KIDINS220: variants seen among roughly 807,000 people sequenced by gnomAD.
KIDINS220 encodes kinase D interacting substrate 220, also known as kinase D-interacting substrate of 220 kDa.
KIDINS220 carries 63 observed loss-of-function variants against 157.6 expected under a neutral mutation model. That is an observed-to-expected ratio of 0.40 (90% CI 0.33 to 0.49). The LOEUF (loss-of-function observed/expected upper bound fraction) is 0.49, where lower values mean the gene tolerates loss of function less well. Among genes scored for constraint, KIDINS220 ranks in the 20% least tolerant of loss-of-function variants. The pLI, the probability that KIDINS220 is intolerant of heterozygous loss-of-function variation, is 0.66. For missense variants in KIDINS220, 1,772 were observed against 2,171.2 expected (o/e 0.82, Z 3.65); for synonymous variants, 732 against 783.6 (o/e 0.93, Z 1.10).
At chr2:8,782,628 C>T (rs1018713456) in intron 17 of KIDINS220, among the ~76,000 whole-genome samples, 1 of 152,172 alleles carries the variant, frequency 6.6e-6, no homozygotes, top group African/African-American at 2.4e-5. Flanking sequence ...TACATAGGAT[C>T]TTTCAGAAGA....
intron 13 of KIDINS220, among the ~76,000 whole-genome samples, chr2:8,790,496 C>T (rs532382073): frequency 9.2e-5 from 14 of 152,178 alleles, no homozygotes; most frequent in South Asian, 4.1e-4. Context: ...CTTCTCCCTC[C>T]AATCACATTT....
intron 1 of KIDINS220, among the ~76,000 whole-genome samples, chr2:8,835,189 TA>T (rs1294018560): frequency 6.6e-6 from 1 of 152,172 alleles, no homozygotes; most frequent in East Asian, 1.9e-4. Context: ...CCTTCATTCT[TA>T]CATCCCCAGA....
chr2:8,817,160 C>G (rs1677192728), intron 4 of KIDINS220, among the ~76,000 whole-genome samples: 1 of 152,186 alleles, frequency 6.6e-6, no homozygotes, highest in Non-Finnish European at 1.5e-5. Flanking sequence ...AATTAAGGAT[C>G]ACATCTTGTT....
intron 25 of KIDINS220, chr2:8,747,476 T>C (rs1285491178): frequency 4.0e-6 from 2 of 503,450 alleles, no homozygotes; most frequent in Non-Finnish European, 7.1e-6. Context: ...ATTCCTGCCA[T>C]TTGATTGAAA....
In KIDINS220 at chr2:8,793,983, C is replaced by G. The variant is rs748593640; in HGVS notation, c.1103G>C (p.Gly368Ala). The G allele has an allele frequency of 6.3e-7, 1 of 1,597,752 alleles. No individual in the cohort carries two copies. Among genetic ancestry groups the G allele is most frequent in the Non-Finnish European group, 8.5e-7 (1 of 1,174,344 alleles). ...AATAGCAATATGCAAGGGAGTATCT[C>G]CTTTCTGTAAAATAATAGTACGAAA... Reference protein sequence around the residue: ...GAKVSAVDKKGDTPLHIAIRG... With the variant: ...GAKVSAVDKKADTPLHIAIRG... Residue 368 changes from glycine (G) to alanine (A), a missense_variant, in exon 12 of 30, where the codon GGA (glycine) becomes GCA (alanine). By Grantham distance (60) the Gly-to-Ala change is moderately conservative (BLOSUM62 0). Coordinates refer to ENST00000256707, the MANE Select transcript of KIDINS220 (RefSeq NM_020738.4).
At chr2:8,779,537 T>C (rs908190404) in intron 18 of KIDINS220, 137 bp downstream of exon 18, 43 of 880,606 alleles carry the variant, frequency 4.9e-5, no homozygotes, top group Admixed American at 8.9e-5. Flanking sequence ...TGGTTGTTTT[T>C]ACAAAAGAAA....
Position 8,791,216 on chromosome 2 carries a change from A to G in KIDINS220, c.1285T>C (p.Ser429Pro). ...LTQIFGARHL[S>P]PTETDGDMLG... ...ATGTCACCGTCTGTTTCAGTAGGAG[A>G]CAAGTGTCCTGTAATTAAAACACAT... Residue 429 changes from serine (S) to proline (P), a missense_variant, in exon 13 of 30, where the codon TCT becomes CCT. Ser to Pro is a moderately conservative substitution (Grantham distance 74). This residue lies in a region of KIDINS220 where 725 missense variants were observed against 1,017.1 expected (regional missense o/e 0.71). Transcript: ENST00000256707. 2 of 1,613,190 alleles carry G rather than the reference A, an allele frequency of 1.2e-6. No homozygotes were observed. The highest frequency in any genetic ancestry group is 1.7e-6 in the Non-Finnish European group (2 of 1,179,380).
At position 8,751,531 on chromosome 2, in the gene KIDINS220, C is replaced by T. The variant is rs765985225; in HGVS notation, c.3125G>A (p.Arg1042Gln). The change falls in exon 23 of 30, where the codon CGA becomes CAA. Residue 1042 changes from arginine to glutamine, a missense_variant. Physicochemically the swap from Arg to Gln is conservative, Grantham distance 43 (BLOSUM62 1). Around this residue, in one of 3 missense-constraint regions of KIDINS220, gnomAD observed 725 missense variants for 1,017.1 expected, o/e 0.71. Coordinates refer to ENST00000256707, the MANE Select transcript of KIDINS220 (RefSeq NM_020738.4). ...LSSRTPVLVA[R>Q]DVKVFLPCTV... is the part of the protein sequence containing the mutation. ...GCATGGCAAAAAGACTTTTACATCTCGAGCCACAAGAACTGGGGTCCTTGA... is the reference window on the plus strand; with the variant it reads ...GCATGGCAAAAAGACTTTTACATCTTGAGCCACAAGAACTGGGGTCCTTGA... The T allele has an allele frequency of 1.9e-6, 3 of 1,597,568 alleles. No homozygotes were observed. The highest frequency in any genetic ancestry group is 1.3e-5 in the African/African-American group (1 of 74,098).
intron 2 of KIDINS220, chr2:8,826,758 G>A (rs938130379): frequency 6.8e-5 from 20 of 294,978 alleles, no homozygotes; most frequent in Admixed American, 9.8e-5. Flanking sequence ...TATTCCATCA[G>A]GGGAAAAAAA....
At chr2:8,740,361 C>A (rs988132999) in intron 26 of KIDINS220, among the ~76,000 whole-genome samples, 2 of 152,204 alleles carry the variant, frequency 1.3e-5, no homozygotes, top group Admixed American at 6.5e-5. Context: ...GCACACACAC[C>A]CCCAACCACA....
intron 24 of KIDINS220, among the ~76,000 whole-genome samples, chr2:8,748,563 C>T (rs1423434143): frequency 6.6e-6 from 1 of 152,076 alleles, no homozygotes; most frequent in African/African-American, 2.4e-5. Flanking sequence ...GTGGGGAATC[C>T]ACTGTTTATG....
intron 2 of KIDINS220, among the ~76,000 whole-genome samples, chr2:8,819,357 A>C (rs979190026): frequency 6.6e-6 from 1 of 152,220 alleles, no homozygotes; most frequent in Non-Finnish European, 1.5e-5. Context: ...CTTTGTGTTA[A>C]GAATGAGTCA....
chr2:8,756,708 T>C (rs576739936), intron 22 of KIDINS220, among the ~76,000 whole-genome samples: 2 of 152,346 alleles, frequency 1.3e-5, no homozygotes, highest in Admixed American at 6.5e-5. Context: ...AGAAGCTCTC[T>C]GGTTTCTTCT....
intron 21 of KIDINS220, among the ~76,000 whole-genome samples, 193 bp from the exon 22 acceptor site, chr2:8,771,025 A>G (rs1670146886): frequency 6.6e-6 from 1 of 152,180 alleles, no homozygotes; most frequent in Non-Finnish European, 1.5e-5. Context: ...TAGGGCTTAA[A>G]CACAATTTTA....
At chr2:8,832,614 T>C (rs1679810600) in intron 1 of KIDINS220, among the ~76,000 whole-genome samples, 1 of 152,218 alleles carries the variant, frequency 6.6e-6, no homozygotes, top group South Asian at 2.1e-4. Flanking sequence ...GAGGAGATGA[T>C]TAGCTTTGCC....
chr2:8,810,103 C>T (rs1676075550), intron 6 of KIDINS220, among the ~76,000 whole-genome samples: 1 of 152,170 alleles, frequency 6.6e-6, no homozygotes, highest in Admixed American at 6.5e-5. Context: ...TGCTCCTCCT[C>T]TCTCACGGAT....
In KIDINS220 at chr2:8,731,242, A is replaced by G. The variant is rs377371016; in HGVS notation, c.4794T>C (p.Ser1598=). ...VRSSESSPNH[S]LHNEVADDSQ... is the part of the protein sequence containing the mutation. ...AGTCATCCGCCACTTCATTGTGCAGAGAGTGATTGGGAGAACTTTCACTGG... is the reference window on the plus strand; with the variant it reads ...AGTCATCCGCCACTTCATTGTGCAGGGAGTGATTGGGAGAACTTTCACTGG... Residue 1598 remains serine (S), a synonymous_variant, in exon 30 of 30, where the codon TCT becomes TCC. Transcript: ENST00000256707. This position sits in a 1 kb window ranked among gnomAD's most constrained non-coding sequence, Gnocchi z 5.2. 6.2e-7 allele frequency: 1 copy of G among 1,613,986 alleles called. No individual in the cohort carries two copies. The highest frequency in any genetic ancestry group is 8.5e-7 in the Non-Finnish European group (1 of 1,180,040).
intron 28 of KIDINS220, among the ~76,000 whole-genome samples, chr2:8,734,131 C>T (rs987855271): frequency 1.7e-4 from 25 of 146,210 alleles, no homozygotes; most frequent in African/African-American, 6.4e-4. Flanking sequence ...GGGTGGGGGT[C>T]GTGGATGGAA....
chr2:8,744,382 A>AT (rs1666150867), intron 26 of KIDINS220, among the ~76,000 whole-genome samples: 14 of 28,664 alleles, frequency 4.9e-4, no homozygotes, highest in Admixed American at 6.6e-4. Context: ...AAAAAAAAAA[A>AT]AAAAAAATAT....
Sources: gnomAD v4.1 joint callset for allele counts (sites outside exome capture counted in the v4.1 genomes callset) on GRCh38, gnomAD v4.1.1 for gene constraint, gnomAD v4.1.1 regional missense constraint, Gnocchi (gnomAD v3.1) non-coding constraint, MANE v1.5 for transcripts, NCBI Gene and HGNC (gene_info 2026-07-23, HGNC 2026-07-21) for gene names.